Variants in SLC39A8 observed in about 807,000 individuals in gnomAD.
SLC39A8 encodes metal cation symporter ZIP8.
In SLC39A8, 15 loss-of-function variants were observed where a neutral mutation model predicts 40.4. That is an observed-to-expected ratio of 0.37 (90% CI 0.25 to 0.57). The LOEUF is 0.57. SLC39A8 is among the 20% of genes least tolerant of loss of function. The pLI, the probability that SLC39A8 is intolerant of heterozygous loss-of-function variation, is 0.75. For missense variants in SLC39A8, 472 were observed against 558.8 expected (o/e 0.84, Z 1.57); for synonymous variants, 223 against 221.6 (o/e 1.01, Z -0.06).
At position 102,344,926 on chromosome 4, in the gene SLC39A8, G is replaced by T. The variant is rs1257573126; in HGVS notation, c.-253-11C>A. ...GGCCTCCTGGAGAGCCTGAGATAAA[G>T]AGGACAAAGGGGGACAGAGATAAAG... is the stretch of plus-strand genomic sequence containing the variant. On this transcript the variant is annotated splice_polypyrimidine_tract_variant and intron_variant, in intron 1 of 8. Coordinates refer to ENST00000356736, the MANE Select transcript of SLC39A8 (RefSeq NM_001135146.2). The T allele has an allele frequency of 8.7e-6, 11 of 1,261,750 alleles. No individual in the cohort carries two copies. Among genetic ancestry groups the T allele is most frequent in the Non-Finnish European group, 1.1e-5 (11 of 1,005,814 alleles). 78.2% of individuals were successfully genotyped at this position (1,261,750 alleles called of 1,614,324 possible). A position where few individuals can be genotyped will look rare whatever the true frequency, so the allele number is the denominator to read the frequency against.
intron 8 of SLC39A8, among the ~76,000 whole-genome samples, chr4:102,265,335 A>G (rs879066939): frequency 2.4e-4 from 3 of 12,350 alleles, no homozygotes; most frequent in Non-Finnish European, 9.4e-4. Context: ...TGCAGGGAGA[A>G]AACACACACA....
intron 3 of SLC39A8, among the ~76,000 whole-genome samples, chr4:102,311,603 A>C (rs1734428714): frequency 6.6e-6 from 1 of 152,092 alleles, no homozygotes; most frequent in South Asian, 2.1e-4. Flanking sequence ...ACTTCATCAA[A>C]AAGTGAGGCA....
At position 102,315,708 on chromosome 4, in the gene SLC39A8, C is replaced by T; in HGVS notation, c.342G>A (p.Glu114=). The T allele has an allele frequency of 1.9e-6, 3 of 1,612,602 alleles. No homozygotes were observed. Among genetic ancestry groups the T allele is most frequent in the Non-Finnish European group, 2.5e-6 (3 of 1,179,148 alleles). ...GTCTTGTTTTGTGCTTGGGCCGATC[C>T]TCACATGGGTGAAAGTTCAATTGCT... ...VLQQLNFHPC[E]DRPKHKTRPS... Residue 114 remains glutamate (E), a synonymous_variant, in exon 3 of 9, where the codon GAG becomes GAA. Coordinates refer to ENST00000356736, the MANE Select transcript of SLC39A8 (RefSeq NM_001135146.2).
intron 6 of SLC39A8, among the ~76,000 whole-genome samples, chr4:102,279,110 C>T (rs948482535): frequency 2.0e-5 from 3 of 151,670 alleles, no homozygotes; most frequent in Admixed American, 1.3e-4. Flanking sequence ...CAAACCTACA[C>T]GTTCTGCACA....
intron 2 of SLC39A8, among the ~76,000 whole-genome samples, chr4:102,317,775 G>A (rs1477307720): frequency 2.0e-5 from 3 of 152,050 alleles, no homozygotes; most frequent in African/African-American, 4.8e-5. Context: ...GGAGGAAAAC[G>A]GGAAGATGCC....
chr4:102,321,539 T>C (rs759188423), intron 2 of SLC39A8, among the ~76,000 whole-genome samples: 8 of 152,200 alleles, frequency 5.3e-5, no homozygotes, highest in Non-Finnish European at 1.2e-4. Context: ...TTTTTTCCTT[T>C]TCGCCCAATA....
At chr4:102,258,958 A>C (rs1306704899), downstream of SLC39A8, among the ~76,000 whole-genome samples, 2 of 152,222 alleles carry the variant, frequency 1.3e-5, no homozygotes, top group Non-Finnish European at 2.9e-5. Context: ...AGACCATGGG[A>C]ATATTCGTCT....
chr4:102,345,109 G>T, intron 1 of SLC39A8, 194 bp from the exon 2 acceptor site: 1 of 166,838 alleles, frequency 6.0e-6, no homozygotes, highest in Non-Finnish European at 1.3e-5. Context: ...CCCAAACCAC[G>T]CCACTTCTTA....
rs143655129 is a variant in SLC39A8 at position 102,330,066 on chromosome 4, C to T, written c.220-14236G>A. ...AGCATTAAGTATCCACAGGAGAAAGCGAAAAAGATCTAAAATCAACACCAT... is the reference window on the plus strand; with the variant it reads ...AGCATTAAGTATCCACAGGAGAAAGTGAAAAAGATCTAAAATCAACACCAT... On this transcript the variant is annotated intron_variant, in intron 2 of 8. Transcript: ENST00000356736. Among the ~76,000 whole-genome samples, 247 of 152,144 alleles carry T rather than the reference C, an allele frequency of 1.6e-3. 9 individuals are homozygous for T. In the East Asian group the frequency reaches 0.033, roughly 20 times the overall value.
intron 6 of SLC39A8, among the ~76,000 whole-genome samples, chr4:102,301,485 T>C (rs1204173694): frequency 6.7e-6 from 1 of 150,182 alleles, no homozygotes; most frequent in Non-Finnish European, 1.5e-5. Context: ...TATTACTATA[T>C]GATATTTTCT....
At chr4:102,341,808 AG>A (rs1180325622) in intron 2 of SLC39A8, among the ~76,000 whole-genome samples, 8 of 152,246 alleles carry the variant, frequency 5.3e-5, no homozygotes, top group African/African-American at 1.4e-4. Context: ...AGAGTTCATT[AG>A]TCTATTACCT....
chr4:102,261,813 T>A lies in SLC39A8; in HGVS notation c.*1231A>T. On this transcript the variant is annotated 3_prime_UTR_variant, in exon 9 of 9. Transcript: ENST00000356736. ...ACATTTTTTGGTCTGTTGGAAAATG[T>A]AATTCCTGAGATCATTGTTGGGCTT... 1.0e-6 allele frequency: 1 copy of A among 986,036 alleles called. No individual in the cohort carries two copies. Among genetic ancestry groups the A allele is most frequent in the Non-Finnish European group, 1.2e-6 (1 of 829,938 alleles). The allele number at this position is 986,036 out of a possible 1,614,324, so 61.1% of individuals were successfully genotyped here.
chr4:102,253,522 TCTC>T (rs1731639880), intron 11 of SLC39A8: 1 of 606,404 alleles, frequency 1.6e-6, no homozygotes, highest in East Asian at 3.1e-5. Flanking sequence ...TGTTAGCTTT[TCTC>T]CTTTTTCCTA....
downstream of SLC39A8, among the ~76,000 whole-genome samples, chr4:102,259,023 T>C (rs1191106231): frequency 2.0e-5 from 3 of 152,130 alleles, no homozygotes; most frequent in African/African-American, 7.2e-5. Flanking sequence ...TAGCAACAAC[T>C]CTCCTCACTT....
At chr4:102,269,282 C>T (rs1732242497) in intron 6 of SLC39A8, among the ~76,000 whole-genome samples, 1 of 152,246 alleles carries the variant, frequency 6.6e-6, no homozygotes, top group Non-Finnish European at 1.5e-5. Flanking sequence ...GGGACCAACA[C>T]TTTCAGAATC....
intron 11 of SLC39A8, among the ~76,000 whole-genome samples, chr4:102,256,641 T>C (rs1415088643): frequency 6.6e-6 from 1 of 152,246 alleles, no homozygotes; most frequent in African/African-American, 2.4e-5. Flanking sequence ...TTATCATCTT[T>C]CATCCCCATA....
intron 8 of SLC39A8, among the ~76,000 whole-genome samples, chr4:102,266,386 G>C (rs1040925999): frequency 1.3e-5 from 2 of 152,146 alleles, no homozygotes; most frequent in African/African-American, 4.8e-5. Context: ...TTGCTCTTCT[G>C]AGGGTCTGCA....
intron 2 of SLC39A8, among the ~76,000 whole-genome samples, chr4:102,341,415 T>C (rs1735934657): frequency 6.6e-6 from 1 of 152,202 alleles, no homozygotes; most frequent in Admixed American, 6.5e-5. Flanking sequence ...AAGGAACAGC[T>C]GAACAAACAA....
chr4:102,296,134 CTT>C (rs1011974132), intron 6 of SLC39A8, among the ~76,000 whole-genome samples: 7 of 152,026 alleles, frequency 4.6e-5, no homozygotes, highest in Admixed American at 3.3e-4. Context: ...AGAAGGTTGT[CTT>C]TATTACTAAA....
Sources: allele counts gnomAD v4.1 joint callset (sites outside exome capture counted in the v4.1 genomes callset), GRCh38; gene constraint gnomAD v4.1.1; transcripts MANE v1.5; gene names NCBI Gene and HGNC (gene_info 2026-07-23, HGNC 2026-07-21).